Variants in TCTN3 observed in about 807,000 individuals in gnomAD.
TCTN3 encodes tectonic-3.
Under a neutral mutation model 71.3 loss-of-function variants are expected in TCTN3, and 57 were observed. That is an observed-to-expected ratio of 0.80 (90% CI 0.65 to 1.00). TCTN3 has a LOEUF of 1.00. Among genes scored for constraint, TCTN3 ranks in the 50% least tolerant of loss-of-function variants. TCTN3 has a pLI of 0.00. For missense variants in TCTN3, 696 were observed against 719.9 expected, an observed-to-expected ratio of 0.97 and a Z score of 0.38; for synonymous variants, 258 against 267.8, an observed-to-expected ratio of 0.96 and a Z score of 0.36.
chr10:95,680,722 G>T, intron 12 of TCTN3, 113 bp from the exon 13 acceptor site: 2 of 1,216,832 alleles, frequency 1.6e-6, no homozygotes, highest in Non-Finnish European at 2.2e-6. Context: ...GGAAGGCAAT[G>T]TAGCTTAGTG....
chr10:95,677,483 GTTT>G (rs1223582407), intron 13 of TCTN3, among the ~76,000 whole-genome samples: 3 of 61,988 alleles, frequency 4.8e-5, no homozygotes, highest in Admixed American at 4.4e-4. Flanking sequence ...AGTTTTTTTT[GTTT>G]TTTTTTTTTT....
At chr10:95,688,036 C>G (rs374816154) in intron 3 of TCTN3, among the ~76,000 whole-genome samples, 18 of 152,178 alleles carry the variant, frequency 1.2e-4, no homozygotes, top group East Asian at 9.6e-4. Context: ...GTCATGAATG[C>G]CAGTCAGTTT....
chr10:95,678,760 A>G (rs921101830), intron 13 of TCTN3, among the ~76,000 whole-genome samples: 3 of 152,234 alleles, frequency 2.0e-5, no homozygotes, highest in East Asian at 1.9e-4. Flanking sequence ...TAAGTTTCAT[A>G]TAAGTATGAA....
Position 95,682,752 on chromosome 10 carries a change from G to C in TCTN3, c.1351C>G (p.His451Asp). ...HLQQEIYQTL[H>D]GRPRPEYVAI... is the part of the protein sequence containing the mutation. ...ACATACTCTGGTCTGGGCCTTCCAT[G>C]AAGAGTCTGATAAATCTCCTGCTGC... The change falls in exon 12 of 14, where the codon CAT becomes GAT. Residue 451 changes from histidine to aspartate, a missense_variant. By Grantham distance (81) the His-to-Asp change is moderately conservative (BLOSUM62 -1). Transcript: ENST00000371217. The C allele has an allele frequency of 6.2e-7, 1 of 1,614,170 alleles. No individual in the cohort carries two copies. The highest frequency in any genetic ancestry group is 8.5e-7 in the Non-Finnish European group (1 of 1,180,028).
At chr10:95,680,647 G>C (rs756978383) in intron 12 of TCTN3, 38 bp from the exon 13 acceptor site, 13 of 1,602,480 alleles carry the variant, frequency 8.1e-6, no homozygotes, top group African/African-American at 1.3e-5. Flanking sequence ...TGAATTGCCT[G>C]ATGGTTGCCT....
At chr10:95,669,352 C>T (rs753659054) in intron 13 of TCTN3, among the ~76,000 whole-genome samples, 5 of 152,132 alleles carry the variant, frequency 3.3e-5, no homozygotes, top group Non-Finnish European at 5.9e-5. Context: ...TCCTAAATAC[C>T]GATTTGATCA....
In TCTN3 at chr10:95,677,477, TTTTTTG is replaced by T. The variant is rs1344655793; in HGVS notation, c.1590+2989_1590+2994del. On this transcript the variant is annotated intron_variant, in intron 13 of 13. Transcript: ENST00000371217. ...CAAGAAGATAGTGAAGTCTACAGTTTTTTTTGTTTTTTTTTTTTTTTTTTGCTGTAT... is the reference window on the plus strand; with the variant it reads ...CAAGAAGATAGTGAAGTCTACAGTTTTTTTTTTTTTTTTTTTTTGCTGTAT... Among the ~76,000 whole-genome samples, 62 of 73,086 alleles carry T rather than the reference TTTTTTG, an allele frequency of 8.5e-4. 2 individuals are homozygous for T. Among genetic ancestry groups the T allele is most frequent in the Non-Finnish European group, 1.2e-3 (38 of 30,806 alleles). The allele number at this position is 73,086 out of a possible 152,430, so 47.9% of individuals were successfully genotyped here.
chr10:95,669,862 G>A (rs1409489834), intron 13 of TCTN3, among the ~76,000 whole-genome samples: 1 of 151,750 alleles, frequency 6.6e-6, no homozygotes, highest in Admixed American at 6.6e-5. Context: ...AGGAGATCGA[G>A]ACCATCCTGG....
intron 2 of TCTN3, 110 bp from the exon 3 acceptor site, chr10:95,693,148 C>T: frequency 8.5e-7 from 1 of 1,177,822 alleles, no homozygotes; most frequent in South Asian, 1.4e-5. Context: ...TCCTTGGGCA[C>T]CTATAGGACG....
intron 6 of TCTN3, 82 bp downstream of exon 6, chr10:95,686,962 C>G: frequency 7.9e-7 from 1 of 1,263,820 alleles, no homozygotes; most frequent in Non-Finnish European, 1.1e-6. Context: ...ATTCAATGCT[C>G]TTTCCACAAC....
At position 95,680,464 on chromosome 10, in the gene TCTN3, T is replaced by C. The variant is rs748135693; in HGVS notation, c.1590+8A>G. On this transcript the variant is annotated splice_region_variant and intron_variant, in intron 13 of 13. Transcript: ENST00000371217. ...AGGTTTAGTGATCCTTTATGAGCCA[T>C]GACTTACCTGTATAGACTGGCACTG... is the stretch of plus-strand genomic sequence containing the variant. 2.5e-6 allele frequency: 4 copies of C among 1,610,106 alleles called. No homozygotes were observed. Among genetic ancestry groups the C allele is most frequent in the South Asian group, 2.2e-5 (2 of 90,546 alleles).
chr10:95,692,899 A>G lies in TCTN3; in HGVS notation c.499+21T>C, dbSNP rs764194004. On this transcript the variant is annotated intron_variant, in intron 3 of 13. Coordinates refer to ENST00000371217, the MANE Select transcript of TCTN3 (RefSeq NM_015631.6). ...CACTCCTGTGTTAGAAAATGAGAAC[A>G]ACCAACATGTTTCTACTCACAGTTG... 3.9e-6 allele frequency: 6 copies of G among 1,554,366 alleles called. No homozygotes were observed. In the East Asian group the frequency reaches 1.3e-4, roughly 35 times the overall value.
intron 13 of TCTN3, among the ~76,000 whole-genome samples, chr10:95,670,549 G>A (rs562784140): frequency 1.1e-3 from 161 of 151,336 alleles, no homozygotes. Context: ...TTTTTTTTTA[G>A]TAGAGATGGG....
At chr10:95,685,181 C>G (rs2097947075) in intron 8 of TCTN3, among the ~76,000 whole-genome samples, 1 of 152,116 alleles carries the variant, frequency 6.6e-6, no homozygotes, top group Non-Finnish European at 1.5e-5. Context: ...AAAATGTGGT[C>G]AGTCAGTAAG....
intron 3 of TCTN3, among the ~76,000 whole-genome samples, chr10:95,689,287 T>C (rs1324247059): frequency 6.6e-6 from 1 of 152,204 alleles, no homozygotes; most frequent in Non-Finnish European, 1.5e-5. Context: ...ATCTTCATGT[T>C]AACAAGATCT....
In TCTN3 at chr10:95,687,041, T is replaced by C; in HGVS notation, c.852+3A>G. On this transcript the variant is annotated splice_donor_region_variant and intron_variant, in intron 6 of 13. Transcript: ENST00000371217. ...ACAGTGTAGGGAGAGAAAGGACACC[T>C]ACCTTTAAGACTGTGAAGTTATAGT... is the stretch of plus-strand genomic sequence containing the variant. 1 of 1,608,772 alleles carries C rather than the reference T, an allele frequency of 6.2e-7. No homozygotes were observed. Among genetic ancestry groups the C allele is most frequent in the East Asian group, 2.2e-5 (1 of 44,848 alleles).
Position 95,684,583 on chromosome 10 carries a change from C to T in TCTN3, c.1011G>A (p.Gln337=), listed in dbSNP as rs1348440818. 1 of 1,613,968 alleles carries T rather than the reference C, an allele frequency of 6.2e-7. No homozygotes were observed. Among genetic ancestry groups the T allele is most frequent in the Non-Finnish European group, 8.5e-7 (1 of 1,179,954 alleles). ...EIETNGTFGI[Q]KVSVSLGQTN... ...TTTGTCCCAAACTGACAGAAACTTT[C>T]TGGATTCCAAAAGTCCCATTGGTCT... is the stretch of plus-strand genomic sequence containing the variant. The change falls in exon 9 of 14, where the codon CAG becomes CAA. Residue 337 remains glutamine, a synonymous_variant. Coordinates refer to ENST00000371217, the MANE Select transcript of TCTN3 (RefSeq NM_015631.6).
chr10:95,685,107 G>A (rs1176790563), intron 8 of TCTN3, among the ~76,000 whole-genome samples: 1 of 152,196 alleles, frequency 6.6e-6, no homozygotes, highest in Non-Finnish European at 1.5e-5. Context: ...ATTGTTTAGA[G>A]AACAGAGGAA....
intron 13 of TCTN3, among the ~76,000 whole-genome samples, chr10:95,670,094 GT>G (rs2097929535): frequency 1.4e-5 from 2 of 144,652 alleles, no homozygotes; most frequent in Admixed American, 1.4e-4. Flanking sequence ...AGAGTTAGCA[GT>G]TACAGATCTA....
Sources: gnomAD v4.1 joint callset for allele counts (sites outside exome capture counted in the v4.1 genomes callset) on GRCh38, gnomAD v4.1.1 for gene constraint, MANE v1.5 for transcripts, NCBI Gene and HGNC (gene_info 2026-07-23, HGNC 2026-07-21) for gene names.